Variants in GRAP2 observed in about 807,000 individuals in gnomAD.
GRAP2 encodes the protein GRB2-related adapter protein 2.
A neutral mutation model predicts 43.5 loss-of-function variants in GRAP2; 31 were observed. The observed-to-expected ratio is 0.71, with a 90% CI of 0.54 to 0.96. GRAP2 has a LOEUF of 0.96. Ranked by LOEUF, GRAP2 falls within the 40% of genes least tolerant of loss-of-function variation. The pLI is 0.00. For missense variants in GRAP2, 371 were observed against 424.4 expected, an observed-to-expected ratio of 0.87 and a Z score of 1.11; for synonymous variants, 156 against 164.8, an observed-to-expected ratio of 0.95 and a Z score of 0.41.
Position 39,955,805 on chromosome 22 carries a change from T to C in GRAP2, c.79-14T>C. ...TCCCTCCAATGTCTTTGTCTTTCCTTTTCTTCCATGTAGATTTTAAGTAAC... is the reference window on the plus strand; with the variant it reads ...TCCCTCCAATGTCTTTGTCTTTCCTCTTCTTCCATGTAGATTTTAAGTAAC... On this transcript the variant is annotated splice_polypyrimidine_tract_variant and intron_variant, in intron 2 of 7. Coordinates refer to ENST00000344138, the MANE Select transcript of GRAP2 (RefSeq NM_004810.4). 9 of 1,402,216 alleles carry C rather than the reference T, an allele frequency of 6.4e-6. No individual in the cohort carries two copies. In the South Asian group the frequency reaches 1.0e-4, roughly 16 times the overall value. 86.9% of individuals were successfully genotyped at this position (1,402,216 alleles called of 1,614,324 possible). A position where few individuals can be genotyped will look rare whatever the true frequency, so the allele number is the denominator to read the frequency against.
chr22:39,916,062 G>A (rs1382722778), intron 1 of GRAP2, among the ~76,000 whole-genome samples: 1 of 152,084 alleles, frequency 6.6e-6, no homozygotes, highest in Non-Finnish European at 1.5e-5. Context: ...CTGACCCCAA[G>A]GGCTAACCCC....
At chr22:39,901,399 T>C in intron 1 of GRAP2, 69 bp downstream of exon 1, 1 of 526,524 alleles carries the variant, frequency 1.9e-6, no homozygotes, top group Non-Finnish European at 3.4e-6. Flanking sequence ...TTGCAGAATG[T>C]TCTGTATGAG....
intron 3 of GRAP2, among the ~76,000 whole-genome samples, chr22:39,957,001 T>A (rs1336967329): frequency 6.6e-6 from 1 of 151,898 alleles, no homozygotes; most frequent in Non-Finnish European, 1.5e-5. Context: ...CTCACCCCAA[T>A]GAGAGAAGTC....
intron 1 of GRAP2, among the ~76,000 whole-genome samples, chr22:39,914,386 A>G (rs1687129351): frequency 6.6e-6 from 1 of 152,196 alleles, no homozygotes; most frequent in Non-Finnish European, 1.5e-5. Flanking sequence ...AGAGTACACC[A>G]TCAAATGGGA....
rs976111985 is a variant in GRAP2 at position 39,968,049 on chromosome 22, G to A, written c.467G>A (p.Arg156Gln). ...CTCTGTTCTTTCTCCCAGGGTCACC[G>A]GGGCAACAGCCTGGACCGGAGGTCC... ...RDRTREDQGH[R>Q]GNSLDRRSQG... The change falls in exon 6 of 8, where the codon CGG becomes CAG. Residue 156 changes from arginine (R) to glutamine (Q), a missense_variant. Arg to Gln is a conservative substitution (Grantham distance 43). Transcript: ENST00000344138. 1.5e-5 allele frequency: 24 copies of A among 1,612,028 alleles called. No individual in the cohort carries two copies. The highest frequency in any genetic ancestry group is 4.5e-5 in the East Asian group (2 of 44,844).
intron 1 of GRAP2, among the ~76,000 whole-genome samples, chr22:39,921,434 C>T (rs375872974): frequency 6.6e-6 from 1 of 152,214 alleles, no homozygotes; most frequent in Non-Finnish European, 1.5e-5. Flanking sequence ...GTAATAGTGA[C>T]TTGAAATGGG....
chr22:39,955,949 C>A, intron 3 of GRAP2, 39 bp downstream of exon 3: 1 of 895,470 alleles, frequency 1.1e-6, no homozygotes, highest in Non-Finnish European at 1.9e-6. Flanking sequence ...CCTAGCCACA[C>A]ACACTCCTCT....
chr22:39,953,784 T>G (rs1381927166), intron 2 of GRAP2, among the ~76,000 whole-genome samples: 2 of 152,212 alleles, frequency 1.3e-5, no homozygotes, highest in African/African-American at 4.8e-5. Flanking sequence ...CTAAGTTTTA[T>G]TTTTATTTTC....
chr22:39,936,987 A>T (rs1161596385), intron 1 of GRAP2, among the ~76,000 whole-genome samples: 1 of 152,198 alleles, frequency 6.6e-6, no homozygotes, highest in Non-Finnish European at 1.5e-5. Flanking sequence ...CTGACCAAGT[A>T]GGAGGGATTT....
chr22:39,918,968 A>G (rs1359502679), intron 1 of GRAP2, among the ~76,000 whole-genome samples: 1 of 152,184 alleles, frequency 6.6e-6, no homozygotes, highest in Non-Finnish European at 1.5e-5. Flanking sequence ...ATACTACATC[A>G]AATCATATGA....
intron 1 of GRAP2, among the ~76,000 whole-genome samples, chr22:39,903,982 A>G (rs1005161618): frequency 2.0e-5 from 3 of 152,210 alleles, no homozygotes; most frequent in African/African-American, 7.2e-5. Flanking sequence ...TTTCTTTTTA[A>G]ATATGTATTT....
At chr22:39,901,021 T>C (rs958745398), upstream of GRAP2, 8 of 295,692 alleles carry the variant, frequency 2.7e-5, no homozygotes, top group Non-Finnish European at 4.0e-5. Flanking sequence ...AACCACATAA[T>C]CTAAGGCTCA....
At chr22:39,897,886 A>G (rs2066472302), upstream of GRAP2, among the ~76,000 whole-genome samples, 1 of 152,172 alleles carries the variant, frequency 6.6e-6, no homozygotes, top group East Asian at 1.9e-4. Context: ...TTTCAGCACA[A>G]CAGCCAGAGC....
intron 2 of GRAP2, 101 bp downstream of exon 2, chr22:39,947,285 T>C: frequency 1.3e-6 from 1 of 765,196 alleles, no homozygotes; most frequent in Non-Finnish European, 2.4e-6. Context: ...GTGGTTCCTT[T>C]TAAAAAGAGA....
At chr22:39,948,690 T>C (rs2066950489) in intron 2 of GRAP2, among the ~76,000 whole-genome samples, 9 of 152,116 alleles carry the variant, frequency 5.9e-5, no homozygotes, top group Admixed American at 5.9e-4. Context: ...TTACCCTCCC[T>C]GCAACATTCT....
intron 1 of GRAP2, among the ~76,000 whole-genome samples, chr22:39,937,903 CA>C (rs1326399567): frequency 6.6e-6 from 1 of 151,938 alleles, no homozygotes; most frequent in Admixed American, 6.6e-5. Flanking sequence ...AGAACATATA[CA>C]TTATACTTAA....
At position 39,955,272 on chromosome 22, in the gene GRAP2, C is replaced by T. The variant is rs542158846; in HGVS notation, c.79-547C>T. ...ACTCAGGAGGCTGAGGCAGGGGGAT[C>T]GCTTGAACCCAGGAGGTGGAGGTTG... On this transcript the variant is annotated intron_variant, in intron 2 of 7. Transcript: ENST00000344138. 9.2e-5 allele frequency among the ~76,000 whole-genome samples: 14 copies of T among 152,180 alleles called. No individual in the cohort carries two copies. The East Asian group carries it at 2.1e-3, about 23-fold the overall frequency.
intron 1 of GRAP2, among the ~76,000 whole-genome samples, chr22:39,920,501 C>T (rs536183930): frequency 3.9e-5 from 6 of 152,308 alleles, no homozygotes; most frequent in Middle Eastern, 3.4e-3. Flanking sequence ...CTCCTGCAGC[C>T]GGGGTGCAGC....
intron 4 of GRAP2, chr22:39,964,434 G>C (rs772865677): frequency 1.1e-6 from 1 of 878,820 alleles, no homozygotes; most frequent in Non-Finnish European, 1.8e-6. Flanking sequence ...AGCAGGCCAA[G>C]GAGATGGACG....
Sources: gnomAD v4.1 joint callset for allele counts (sites outside exome capture counted in the v4.1 genomes callset) on GRCh38, gnomAD v4.1.1 for gene constraint, MANE v1.5 for transcripts, NCBI Gene and HGNC (gene_info 2026-07-23, HGNC 2026-07-21) for gene names.